The following FGF14 variants were observed in gnomAD, a reference collection of about 807,000 sequenced individuals.
The protein encoded by FGF14 is fibroblast growth factor homologous factor 4.
Under a neutral mutation model 25.5 loss-of-function variants are expected in FGF14, and 5 were observed. The ratio of observed to expected loss-of-function variants is 0.20; its 90% confidence interval spans 0.10 to 0.41. The LOEUF is 0.41. FGF14 is among the 10% of genes least tolerant of loss of function. The pLI is 1.00. For missense variants in FGF14, 222 were observed against 320.1 expected (o/e 0.69, Z 2.34); for synonymous variants, 138 against 118.3 (o/e 1.17, Z -1.08).
intron 1 of FGF14, among the ~76,000 whole-genome samples, chr13:102,356,312 T>C (rs2057416859): frequency 6.6e-6 from 1 of 152,198 alleles, no homozygotes; most frequent in Non-Finnish European, 1.5e-5. Flanking sequence ...CATGCAACTT[T>C]AAACAACACT....
intron 3 of FGF14, among the ~76,000 whole-genome samples, chr13:101,803,032 A>G (rs1413155823): frequency 6.6e-6 from 1 of 151,900 alleles, no homozygotes; most frequent in East Asian, 1.9e-4. Flanking sequence ...ATATAGTCAG[A>G]TAGCATTCTG....
chr13:101,914,479 C>G (rs1184717231), intron 1 of FGF14, among the ~76,000 whole-genome samples: 2 of 151,850 alleles, frequency 1.3e-5, no homozygotes, highest in Non-Finnish European at 2.9e-5. Context: ...GAAAAGTGAC[C>G]TCAAATATAT....
At chr13:101,825,425 C>T (rs1308699567) in intron 3 of FGF14, among the ~76,000 whole-genome samples, 1 of 152,272 alleles carries the variant, frequency 6.6e-6, no homozygotes, top group Admixed American at 6.5e-5. Context: ...GAGTCTGTAA[C>T]TTTTACTAAA....
At chr13:102,213,556 G>A (rs1461304305) in intron 1 of FGF14, among the ~76,000 whole-genome samples, 2 of 152,080 alleles carry the variant, frequency 1.3e-5, no homozygotes, top group African/African-American at 2.4e-5. Context: ...AGGCCCAAAG[G>A]AGAAAGTTCT....
chr13:102,009,745 T>C (rs2039984431), intron 1 of FGF14, among the ~76,000 whole-genome samples: 1 of 152,132 alleles, frequency 6.6e-6, no homozygotes, highest in Non-Finnish European at 1.5e-5. Context: ...CTCAACTCAT[T>C]TATAAGTAGG....
chr13:102,107,912 G>A (rs888841352), intron 1 of FGF14, among the ~76,000 whole-genome samples: 10 of 152,102 alleles, frequency 6.6e-5, no homozygotes, highest in Non-Finnish European at 1.5e-4. Flanking sequence ...GAGATAGTAC[G>A]TTATGTAGTT....
rs557259469 is a variant in FGF14 at position 102,311,635 on chromosome 13, T to C, written c.208+89836A>G. 6.6e-5 allele frequency among the ~76,000 whole-genome samples: 10 copies of C among 151,976 alleles called. No homozygotes were observed. In the South Asian group the frequency reaches 1.5e-3, roughly 22 times the overall value. On this transcript the variant is annotated intron_variant, in intron 1 of 4. Coordinates refer to the FGF14 transcript ENST00000376131. Reference sequence around the variant, plus strand: ...AGGAGGAGAAAGTAAGCAGAAGAGATTAAGGGTCAGGCAAAGCAAAGGGCT... The same window carrying C: ...AGGAGGAGAAAGTAAGCAGAAGAGACTAAGGGTCAGGCAAAGCAAAGGGCT...
intron 1 of FGF14, among the ~76,000 whole-genome samples, chr13:102,154,689 G>A (rs1039049257): frequency 2.0e-5 from 3 of 152,080 alleles, no homozygotes; most frequent in Non-Finnish European, 2.9e-5. Context: ...ACGTAAATGG[G>A]CTAAATGCTC....
intron 1 of FGF14, among the ~76,000 whole-genome samples, chr13:102,237,231 C>G (rs2051369582): frequency 1.3e-5 from 2 of 152,214 alleles, no homozygotes; most frequent in African/African-American, 4.8e-5. Flanking sequence ...TTCAAAAACC[C>G]TAGAGACTCA....
chr13:102,171,749 A>G lies in FGF14; in HGVS notation c.208+229722T>C, dbSNP rs551665037. Reference sequence around the variant, plus strand: ...GATTTATGTTGTCAGTCAGTAAAACATTTTTAATGCCAGTATTTTTATGAG... The same window carrying G: ...GATTTATGTTGTCAGTCAGTAAAACGTTTTTAATGCCAGTATTTTTATGAG... On this transcript the variant is annotated intron_variant, in intron 1 of 4. Coordinates refer to the FGF14 transcript ENST00000376131. 4.9e-4 allele frequency among the ~76,000 whole-genome samples: 74 copies of G among 152,236 alleles called. No individual in the cohort carries two copies. In the East Asian group the frequency reaches 0.012, roughly 25 times the overall value.
chr13:102,096,216 A>G (rs2044392824), intron 1 of FGF14, among the ~76,000 whole-genome samples: 1 of 152,072 alleles, frequency 6.6e-6, no homozygotes. Context: ...TAGAGTGAGG[A>G]GAGTGAACTA....
intron 1 of FGF14, among the ~76,000 whole-genome samples, chr13:101,898,853 C>A (rs2031121041): frequency 6.6e-6 from 1 of 152,044 alleles, no homozygotes; most frequent in South Asian, 2.1e-4. Context: ...AGTTAAGGGG[C>A]CAACATTTTG....
chr13:102,287,173 A>G (rs2141244342), intron 1 of FGF14, among the ~76,000 whole-genome samples: 1 of 152,310 alleles, frequency 6.6e-6, no homozygotes, highest in South Asian at 2.1e-4. Flanking sequence ...TCAGAGAAAA[A>G]AATAGTGATA....
chr13:102,029,264 T>C (rs529144998), intron 1 of FGF14, among the ~76,000 whole-genome samples: 1 of 152,100 alleles, frequency 6.6e-6, no homozygotes, highest in Non-Finnish European at 1.5e-5. Context: ...AATTTACTGC[T>C]GCTAAATGTA....
intron 1 of FGF14, among the ~76,000 whole-genome samples, chr13:102,139,873 G>A (rs2046567470): frequency 6.6e-6 from 1 of 152,184 alleles, no homozygotes; most frequent in Non-Finnish European, 1.5e-5. Context: ...CCAAGCCAGG[G>A]CAGGAACGGC....
chr13:102,074,828 T>C (rs2043294777), intron 1 of FGF14, among the ~76,000 whole-genome samples: 1 of 152,206 alleles, frequency 6.6e-6, no homozygotes, highest in African/African-American at 2.4e-5. Flanking sequence ...ATAAAAACCG[T>C]ATGATCATCT....
chr13:101,904,115 T>C (rs2031928899), intron 1 of FGF14, among the ~76,000 whole-genome samples: 1 of 152,190 alleles, frequency 6.6e-6, no homozygotes, highest in Non-Finnish European at 1.5e-5. Flanking sequence ...TCAAATTGTC[T>C]TGTTCAATGG....
chr13:101,765,718 T>TTTATTTATTTATTTATTTATTTA (rs2038347205), intron 3 of FGF14, among the ~76,000 whole-genome samples: 5 of 143,320 alleles, frequency 3.5e-5, no homozygotes, highest in African/African-American at 1.4e-4. Flanking sequence ...ATTATTATTA[T>TTTATTTATTTATTTATTTATTTA]TTTATTTATT....
chr13:101,973,622 T>G, intron 1 of FGF14, among the ~76,000 whole-genome samples: 1 of 152,140 alleles, frequency 6.6e-6, no homozygotes, highest in East Asian at 1.9e-4. Flanking sequence ...GCAGGAAGCA[T>G]CCAGCACGGG....
Sources: allele counts gnomAD v4.1 joint callset (sites outside exome capture counted in the v4.1 genomes callset), GRCh38; gene constraint gnomAD v4.1.1; transcripts MANE v1.5; gene names NCBI Gene and HGNC (gene_info 2026-07-23, HGNC 2026-07-21).